SPO11: variants seen among roughly 807,000 people sequenced by gnomAD.
SPO11 encodes the protein SPO11 initiator of meiotic double strand breaks, also known as meiotic recombination protein SPO11.
In SPO11, 49 loss-of-function variants were observed where a neutral mutation model predicts 51.6. The ratio of observed to expected loss-of-function variants is 0.95; its 90% CI spans 0.75 to 1.20. The LOEUF (loss-of-function observed/expected upper bound fraction) is 1.20. SPO11 is among the 50% of genes most tolerant of loss of function. The pLI, the probability that SPO11 is intolerant of heterozygous loss-of-function variation, is 0.00. For synonymous variants in SPO11, 176 were observed against 158.2 expected, an observed-to-expected ratio of 1.11 and a Z score of -0.84; for missense variants, 431 against 473.4, an observed-to-expected ratio of 0.91 and a Z score of 0.83.
chr20:57,338,951 TA>T, intron 9 of SPO11, 37 bp from the exon 10 acceptor site: 1 of 1,337,538 alleles, frequency 7.5e-7, no homozygotes, highest in Non-Finnish European at 1.0e-6. Context: ...CTGTAATATG[TA>T]AGGAGACTAA....
intron 8 of SPO11, chr20:57,337,626 A>T (rs1289565006): frequency 3.2e-6 from 2 of 623,014 alleles, no homozygotes; most frequent in Admixed American, 3.0e-5. Flanking sequence ...AATATGTAGG[A>T]TGTTTATTAT....
Position 57,334,749 on chromosome 20 carries a change from G to A in SPO11, c.511-1G>A. 6.2e-7 allele frequency: 1 copy of A among 1,612,474 alleles called. No homozygotes were observed. The highest frequency in any genetic ancestry group is 8.5e-7 in the Non-Finnish European group (1 of 1,179,074). ...TCAAATATGTCTATTATTTTTTGCA[G>A]TTATCTACATCAAAAGGTTTAATTG... On this transcript the variant is annotated splice_acceptor_variant, in intron 5 of 12. Coordinates refer to ENST00000371263, the MANE Select transcript of SPO11 (RefSeq NM_012444.3). LOFTEE classifies it high-confidence loss of function.
chr20:57,338,262 C>A lies in SPO11; in HGVS notation c.745-14C>A. 1 of 1,559,318 alleles carries A rather than the reference C, an allele frequency of 6.4e-7. No homozygotes were observed. The highest frequency in any genetic ancestry group is 8.8e-7 in the Non-Finnish European group (1 of 1,134,032). On this transcript the variant is annotated splice_polypyrimidine_tract_variant and intron_variant, in intron 8 of 12. Transcript: ENST00000371263. ...TACTGAAGTTAAAATTCTTAATTTTCATCTTCCTTTTAGGGAAAGGGAGTT... is the reference window on the plus strand; with the variant it reads ...TACTGAAGTTAAAATTCTTAATTTTAATCTTCCTTTTAGGGAAAGGGAGTT...
In SPO11 at chr20:57,343,541, C is replaced by A; in HGVS notation, c.*81C>A. On this transcript the variant is annotated 3_prime_UTR_variant, in exon 13 of 13. Coordinates refer to ENST00000371263, the MANE Select transcript of SPO11 (RefSeq NM_012444.3). ...TTGGCAAATACTATTGTGGAAAGAACATATATTATATTCTTAATTCTGTAA... is the reference window on the plus strand; with the variant it reads ...TTGGCAAATACTATTGTGGAAAGAAAATATATTATATTCTTAATTCTGTAA... 7.6e-7 allele frequency: 1 copy of A among 1,322,550 alleles called. No individual in the cohort carries two copies. 81.9% of individuals were successfully genotyped at this position (1,322,550 alleles called of 1,614,324 possible).
intron 8 of SPO11, among the ~76,000 whole-genome samples, chr20:57,336,919 G>C (rs1479936949): frequency 6.6e-6 from 1 of 152,108 alleles, no homozygotes; most frequent in Non-Finnish European, 1.5e-5. Flanking sequence ...CTTTAATAAT[G>C]GGGTACTGGA....
Position 57,343,383 on chromosome 20 carries a change from GC to G in SPO11, c.1115del (p.Ala372ValfsTer2). The G allele has an allele frequency of 6.2e-7, 1 of 1,610,526 alleles. No homozygotes were observed. The highest frequency in any genetic ancestry group is 1.1e-5 in the South Asian group (1 of 90,432). On this transcript the variant is annotated frameshift_variant, in exon 13 of 13. Transcript: ENST00000371263. LOFTEE classifies it high-confidence loss of function. The stretch of plus-strand genomic sequence containing the variant: ...CTCTAAAATGAAGGCAGAAATTCAA[GC>G]TTTGACTTTCCTATCATCAGATTAT... ...ADSKMKAEIQ[A>X]LTFLSSDYLS...
intron 8 of SPO11, among the ~76,000 whole-genome samples, chr20:57,337,229 A>T (rs1008492746): frequency 6.6e-6 from 1 of 152,262 alleles, no homozygotes; most frequent in Middle Eastern, 3.4e-3. Context: ...CTTTTCTCTA[A>T]CATTGTTGTA....
Position 57,338,336 on chromosome 20 carries a change from C to G in SPO11, c.805C>G (p.His269Asp). 1 of 1,613,798 alleles carries G rather than the reference C, an allele frequency of 6.2e-7. No individual in the cohort carries two copies. Among genetic ancestry groups the G allele is most frequent in the Non-Finnish European group, 8.5e-7 (1 of 1,179,780 alleles). ...LLVKKLWDTF[H>D]VPVFTLVDAD... ...AGTCAAGAAACTGTGGGATACATTT[C>G]ATGTTCCTGTTTTCACTCTTGTAGA... Residue 269 changes from histidine (H) to aspartate (D), a missense_variant, in exon 9 of 13, where the codon CAT (histidine) becomes GAT (aspartate). By Grantham distance (81) the His-to-Asp change is moderately conservative. This residue lies in a region of SPO11 where 405 missense variants were observed against 425.9 expected (regional missense o/e 0.95). Transcript: ENST00000371263.
chr20:57,340,205 A>G, intron 11 of SPO11, 27 bp downstream of exon 11: 1 of 1,435,346 alleles, frequency 7.0e-7, no homozygotes, highest in Non-Finnish European at 9.8e-7. Context: ...GAACTAGGAT[A>G]TTTAAAATGA....
intron 8 of SPO11, 27 bp downstream of exon 8, chr20:57,335,934 C>A: frequency 7.7e-7 from 1 of 1,301,388 alleles, no homozygotes; most frequent in Non-Finnish European, 1.1e-6. Context: ...TACTACAATT[C>A]CAAGACTAAT....
At chr20:57,342,443 C>T (rs760484642) in intron 11 of SPO11, among the ~76,000 whole-genome samples, 14 of 152,162 alleles carry the variant, frequency 9.2e-5, no homozygotes, top group Non-Finnish European at 1.3e-4. Context: ...GTTTAATAAC[C>T]AATATCAGTC....
At chr20:57,339,885 T>C (rs759582445) in intron 10 of SPO11, among the ~76,000 whole-genome samples, 7 of 152,190 alleles carry the variant, frequency 4.6e-5, no homozygotes, top group Admixed American at 6.5e-5. Context: ...ATTACAAGCA[T>C]GAGCCACCGC....
At chr20:57,331,711 T>A in intron 1 of SPO11, 122 bp from the exon 2 acceptor site, 1 of 484,384 alleles carries the variant, frequency 2.1e-6, no homozygotes. Flanking sequence ...CCCACCCCAA[T>A]TACCTAGTCT....
intron 8 of SPO11, 101 bp from the exon 9 acceptor site, chr20:57,338,175 A>G: frequency 1.1e-6 from 1 of 882,418 alleles, no homozygotes; most frequent in Non-Finnish European, 1.8e-6. Context: ...ACAGGCGTGA[A>G]CCACTGCGTC....
At chr20:57,330,884 CA>C (rs2054907175) in intron 1 of SPO11, among the ~76,000 whole-genome samples, 1 of 152,120 alleles carries the variant, frequency 6.6e-6, no homozygotes, top group South Asian at 2.1e-4. Flanking sequence ...AAGTTGGTTA[CA>C]GTATTATCCT....
At chr20:57,335,337 AAT>A in intron 6 of SPO11, 80 bp from the exon 7 acceptor site, 1 of 1,213,894 alleles carries the variant, frequency 8.2e-7, no homozygotes, top group Non-Finnish European at 1.2e-6. Flanking sequence ...GTCAAAGAAA[AAT>A]AAAAACAGAG....
Position 57,329,854 on chromosome 20 carries a change from A to T in SPO11, c.-14A>T. ...GACAGGGGCTTCTGGAGCTTCTGGC[A>T]GCCGTCTGCCCTCATGGCCTTTGCA... On this transcript the variant is annotated 5_prime_UTR_variant, in exon 1 of 13. Coordinates refer to ENST00000371263, the MANE Select transcript of SPO11 (RefSeq NM_012444.3). 1 of 1,606,566 alleles carries T rather than the reference A, an allele frequency of 6.2e-7. No individual in the cohort carries two copies.
chr20:57,331,676 C>CT (rs531227141), intron 1 of SPO11, among the ~76,000 whole-genome samples, 157 bp from the exon 2 acceptor site: 62 of 150,820 alleles, frequency 4.1e-4, no homozygotes, highest in East Asian at 1.7e-3. Context: ...ATTACCTAGT[C>CT]TTTTTTTTTG....
chr20:57,335,966 T>C, intron 8 of SPO11, 59 bp downstream of exon 8: 2 of 950,094 alleles, frequency 2.1e-6, no homozygotes, highest in Non-Finnish European at 3.3e-6. Flanking sequence ...TGGTGATTGG[T>C]AAGAGGATTT....
Sources: gnomAD v4.1 joint callset for allele counts (sites outside exome capture counted in the v4.1 genomes callset) on GRCh38, gnomAD v4.1.1 for gene constraint, gnomAD v4.1.1 regional missense constraint, MANE v1.5 for transcripts, NCBI Gene and HGNC (gene_info 2026-07-23, HGNC 2026-07-21) for gene names.